The following BRD4 variants were observed in gnomAD, a reference collection of about 807,000 sequenced individuals.
BRD4 encodes bromodomain containing 4, also known as bromodomain-containing protein 4.
A neutral mutation model predicts 142.1 loss-of-function variants in BRD4; 16 were observed. That is an observed-to-expected ratio of 0.11 (90% CI 0.08 to 0.17). The LOEUF (loss-of-function observed/expected upper bound fraction) is 0.17, where lower values mean the gene tolerates loss of function less well. Ranked by LOEUF, BRD4 falls within the 10% of genes least tolerant of loss-of-function variation. BRD4 has a pLI of 1.00. For missense variants in BRD4, 1,424 were observed against 1,810.9 expected, an observed-to-expected ratio of 0.79 and a Z score of 3.88; for synonymous variants, 833 against 707.5, an observed-to-expected ratio of 1.18 and a Z score of -2.82.
At position 15,267,411 on chromosome 19, in the gene BRD4, T is replaced by C; in HGVS notation, c.559+5A>G. On this transcript the variant is annotated splice_donor_5th_base_variant and intron_variant, in intron 4 of 19. Coordinates refer to ENST00000679869, the MANE Select transcript of BRD4 (RefSeq NM_001379291.1). ...GCCAATTTACTTGCTATTTCAGTAC[T>C]CTACCTGTTTCTTTCCTCCCACGTC... The C allele has an allele frequency of 6.2e-7, 1 of 1,613,778 alleles. No homozygotes were observed. Among genetic ancestry groups the C allele is most frequent in the Admixed American group, 1.7e-5 (1 of 59,932 alleles).
At chr19:15,316,460 G>A (rs555794400) in intron 1 of BRD4, among the ~76,000 whole-genome samples, 10 of 152,030 alleles carry the variant, frequency 6.6e-5, no homozygotes, top group Admixed American at 6.6e-5. Context: ...GCATGGTGGC[G>A]CATGCCTGTA....
chr19:15,304,402 T>A (rs554655891), intron 1 of BRD4, among the ~76,000 whole-genome samples: 2 of 151,864 alleles, frequency 1.3e-5, no homozygotes, highest in South Asian at 4.2e-4. Context: ...GCCGGGGGAG[T>A]AGGAAACAGT....
chr19:15,304,120 T>C (rs1052194465), intron 1 of BRD4, among the ~76,000 whole-genome samples: 2 of 152,218 alleles, frequency 1.3e-5, no homozygotes, highest in African/African-American at 4.8e-5. Flanking sequence ...CTAACTTTTT[T>C]ACACTTACCA....
intron 2 of BRD4, among the ~76,000 whole-genome samples, chr19:15,271,944 G>A (rs977076218): frequency 2.6e-5 from 4 of 150,980 alleles, no homozygotes; most frequent in African/African-American, 9.9e-5. Context: ...CACACCAGTG[G>A]CTCTGGTGTG....
At chr19:15,292,701 C>T (rs528325421) in intron 1 of BRD4, among the ~76,000 whole-genome samples, 2 of 136,530 alleles carry the variant, frequency 1.5e-5, no homozygotes, top group Admixed American at 1.6e-4. Flanking sequence ...TGGTATAAAC[C>T]TGGGAGGCGG....
intron 6 of BRD4, 61 bp from the exon 7 acceptor site, chr19:15,263,609 T>C: frequency 6.2e-7 from 1 of 1,601,070 alleles, no homozygotes; most frequent in Non-Finnish European, 8.6e-7. Flanking sequence ...GAGAAGTGGC[T>C]GGCAGCAGAC....
Position 15,292,336 on chromosome 19 carries a change from T to C in BRD4, c.-34-19203A>G, listed in dbSNP as rs762339363. 5.8e-4 allele frequency among the ~76,000 whole-genome samples: 88 copies of C among 152,204 alleles called. 1 individual carries two copies. Among genetic ancestry groups the C allele is most frequent in the Non-Finnish European group, 1.1e-3 (76 of 68,036 alleles). On this transcript the variant is annotated intron_variant, in intron 1 of 19. Transcript: ENST00000679869. ...TACGGCTGCAGACTCAGATGACTTA[T>C]CTACACCCCAAAGGGTCTGCCTCTG...
At chr19:15,329,068 C>T (rs948591400) in intron 1 of BRD4, among the ~76,000 whole-genome samples, 1 of 151,826 alleles carries the variant, frequency 6.6e-6, no homozygotes, top group Admixed American at 6.6e-5. Context: ...CCACCACGCC[C>T]GGCGCATTCT....
chr19:15,297,675 A>G (rs1175597015), intron 1 of BRD4, among the ~76,000 whole-genome samples: 1 of 152,198 alleles, frequency 6.6e-6, no homozygotes, highest in Admixed American at 6.5e-5. Context: ...CTCAGGGATC[A>G]GGTTTAGTGG....
Position 15,255,493 on chromosome 19 carries a change from C to T in BRD4, c.1851G>A (p.Gln617=), listed in dbSNP as rs1223031142. 1 of 1,614,214 alleles carries T rather than the reference C, an allele frequency of 6.2e-7. No individual in the cohort carries two copies. Among genetic ancestry groups the T allele is most frequent in the Middle Eastern group, 1.6e-4 (1 of 6,062 alleles). The change falls in exon 10 of 20, where the codon CAG becomes CAA. Residue 617 remains glutamine, a synonymous_variant. Coordinates refer to ENST00000679869, the MANE Select transcript of BRD4 (RefSeq NM_001379291.1). ...GGAGCTTGTTGATGTCCAAGCTGAG[C>T]TGCCGCTTCTCCTCATAGGACATAG... ...CKPMSYEEKR[Q]LSLDINKLPG...
At chr19:15,276,162 A>C (rs2047644559) in intron 1 of BRD4, among the ~76,000 whole-genome samples, 1 of 152,172 alleles carries the variant, frequency 6.6e-6, no homozygotes, top group Non-Finnish European at 1.5e-5. Flanking sequence ...GACTACAGGA[A>C]AGTAAGACCC....
In BRD4 at chr19:15,238,261, A is replaced by T; in HGVS notation, c.*116T>A. 1.3e-6 allele frequency: 2 copies of T among 1,513,952 alleles called. No homozygotes were observed. Among genetic ancestry groups the T allele is most frequent in the Non-Finnish European group, 1.8e-6 (2 of 1,118,668 alleles). 93.8% of individuals were successfully genotyped at this position (1,513,952 alleles called of 1,614,324 possible). A position where few individuals can be genotyped will look rare whatever the true frequency, so the allele number is the denominator to read the frequency against. On this transcript the variant is annotated 3_prime_UTR_variant, in exon 20 of 20. Transcript: ENST00000679869. This position sits in a 1 kb window ranked among gnomAD's most constrained non-coding sequence, Gnocchi z 7.2. ...GCCTGCCCCGGGCATAGCATGCAGG[A>T]GGGCCAGGCCCTGAGGCATCCCCTG...
intron 5 of BRD4, 25 bp from the exon 6 acceptor site, chr19:15,264,791 G>C: frequency 6.3e-7 from 1 of 1,576,914 alleles, no homozygotes; most frequent in Admixed American, 1.7e-5. Flanking sequence ...GACGCCAACA[G>C]GCACAGTCAG....
rs918441165 is a variant in BRD4, at chr19:15,273,383, C to G, written c.-34-250G>C. Among the ~76,000 whole-genome samples the G allele has an allele frequency of 2.2e-4, 33 of 152,196 alleles. 1 individual carries two copies. The highest frequency in any genetic ancestry group is 5.9e-5 in the Non-Finnish European group (4 of 68,040). Reference sequence around the variant, plus strand: ...GGCAGAGTGAGGTGGTGAGAGCCCACTAGGAGCCAGCAAAGGCTCTGGGAA... The same window carrying G: ...GGCAGAGTGAGGTGGTGAGAGCCCAGTAGGAGCCAGCAAAGGCTCTGGGAA... On this transcript the variant is annotated intron_variant, in intron 1 of 19. Coordinates refer to ENST00000679869, the MANE Select transcript of BRD4 (RefSeq NM_001379291.1).
At chr19:15,279,630 G>C (rs2047685395) in intron 1 of BRD4, among the ~76,000 whole-genome samples, 1 of 152,180 alleles carries the variant, frequency 6.6e-6, no homozygotes, top group South Asian at 2.1e-4. Context: ...GATAGATACA[G>C]ACATGCAGGG....
intron 2 of BRD4, among the ~76,000 whole-genome samples, chr19:15,272,398 C>A (rs141829975): frequency 2.0e-5 from 3 of 152,302 alleles, no homozygotes; most frequent in African/African-American, 7.2e-5. Flanking sequence ...ACCACTACTG[C>A]AGCAAGCCAA....
chr19:15,254,001 GAC>G (rs2047378551), intron 11 of BRD4, 149 bp downstream of exon 11: 2 of 731,452 alleles, frequency 2.7e-6, no homozygotes, highest in Non-Finnish European at 4.6e-6. Flanking sequence ...GCCCCAGGGA[GAC>G]AGTTAACAAA....
chr19:15,304,067 C>T (rs913413562), intron 1 of BRD4, among the ~76,000 whole-genome samples: 3 of 152,218 alleles, frequency 2.0e-5, no homozygotes, highest in African/African-American at 7.2e-5. Context: ...GGATTACCTT[C>T]ATTATGTCCT....
At chr19:15,264,820 C>A in intron 5 of BRD4, 54 bp from the exon 6 acceptor site, 1 of 1,555,440 alleles carries the variant, frequency 6.4e-7, no homozygotes, top group Non-Finnish European at 8.7e-7. Context: ...GCCGGCACAG[C>A]TGCCCTCAGG....
Sources: allele counts gnomAD v4.1 joint callset (sites outside exome capture counted in the v4.1 genomes callset), GRCh38; gene constraint gnomAD v4.1.1; non-coding constraint Gnocchi (gnomAD v3.1); transcripts MANE v1.5; gene names NCBI Gene and HGNC (gene_info 2026-07-23, HGNC 2026-07-21).